The following ZNF479 variants were observed in gnomAD, a reference collection of about 807,000 sequenced individuals.
ZNF479 encodes KRAB zinc finger protein KR19.
Under a neutral mutation model 14.7 loss-of-function variants are expected in ZNF479, and 15 were observed. The observed-to-expected ratio is 1.02, with a 90% CI of 0.68 to 1.57. The LOEUF (loss-of-function observed/expected upper bound fraction) is 1.57, where lower values mean the gene tolerates loss of function less well. ZNF479 is among the 40% of genes most tolerant of loss of function. ZNF479 has a pLI of 0.00. For missense variants in ZNF479, 506 were observed against 615.1 expected (o/e 0.82, Z 1.88); for synonymous variants, 145 against 211.5 (o/e 0.69, Z 2.73).
At chr7:57,126,527 A>T in intron 2 of ZNF479, 65 bp downstream of exon 2, 1 of 1,510,668 alleles carries the variant, frequency 6.6e-7, no homozygotes, top group South Asian at 1.2e-5. Flanking sequence ...AGCAGAAATT[A>T]CCAAAAACAT....
intron 1 of ZNF479, among the ~76,000 whole-genome samples, chr7:57,137,996 C>A (rs915223564): frequency 3.3e-5 from 5 of 152,158 alleles, no homozygotes; most frequent in African/African-American, 1.2e-4. Flanking sequence ...CTACCTGGAA[C>A]GTGTTTACAG....
intron 3 of ZNF479, 45 bp from the exon 4 acceptor site, chr7:57,121,197 T>A (rs782500882): frequency 6.2e-6 from 10 of 1,612,864 alleles, no homozygotes; most frequent in East Asian, 2.2e-5. Flanking sequence ...TCTGGACTCA[T>A]ATAAATATAT....
chr7:57,132,399 G>A lies in ZNF479; in HGVS notation c.-75C>T. The A allele has an allele frequency of 6.2e-7, 1 of 1,608,420 alleles. No homozygotes were observed. Among genetic ancestry groups the A allele is most frequent in the South Asian group, 1.1e-5 (1 of 90,932 alleles). On this transcript the variant is annotated 5_prime_UTR_variant, in exon 1 of 4. Transcript: ENST00000319636. ...GGAGCAGAGGACACAGAGCAGTGAA[G>A]AGGAGAACTGCAGCTCTGGACGCAG... is the stretch of plus-strand genomic sequence containing the variant.
upstream of ZNF479, among the ~76,000 whole-genome samples, chr7:57,133,433 C>G (rs1371862648): frequency 6.6e-6 from 1 of 152,028 alleles, no homozygotes. Context: ...TCAGTCTGAG[C>G]TATTTGTTTG....
chr7:57,135,888 T>C (rs1226077463), upstream of ZNF479, among the ~76,000 whole-genome samples: 2 of 152,114 alleles, frequency 1.3e-5, no homozygotes, highest in Non-Finnish European at 2.9e-5. Flanking sequence ...ACCTAAACTT[T>C]TGATTCAGTG....
At chr7:57,134,811 A>C (rs1410386740), upstream of ZNF479, among the ~76,000 whole-genome samples, 1 of 151,650 alleles carries the variant, frequency 6.6e-6, no homozygotes, top group Admixed American at 6.6e-5. Flanking sequence ...AGTAGCTGGG[A>C]TTACAGGCAT....
Position 57,120,606 on chromosome 7 carries a change from G to C in ZNF479, c.809C>G (p.Thr270Arg), listed in dbSNP as rs782236188. Residue 270 changes from threonine (T) to arginine (R), a missense_variant, in exon 4 of 4, where the codon ACG (threonine) becomes AGG (arginine). Physicochemically the swap from Thr to Arg is moderately conservative, Grantham distance 71. Coordinates refer to ENST00000319636, the MANE Select transcript of ZNF479 (RefSeq NM_001370129.2). ...AAAGGCTTGGCCACATTCTTCACAC[G>C]TGTAGGGTTTCTCTCCAGTATGAGT... is the stretch of plus-strand genomic sequence containing the variant. ...KRTHTGEKPY[T>R]CEECGQAFRR... The C allele has an allele frequency of 2.5e-6, 4 of 1,613,684 alleles. No homozygotes were observed. The highest frequency in any genetic ancestry group is 1.3e-5 in the African/African-American group (1 of 74,856).
At chr7:57,127,938 T>A (rs1035532757) in intron 1 of ZNF479, among the ~76,000 whole-genome samples, 5 of 46,336 alleles carry the variant, frequency 1.1e-4, no homozygotes, top group African/African-American at 7.2e-4. Flanking sequence ...TATATATATA[T>A]TTTTTTTTTT....
At position 57,126,728 on chromosome 7, in the gene ZNF479, A is replaced by G. The variant is rs1236077726; in HGVS notation, c.40-10T>C. 18 of 1,613,908 alleles carry G rather than the reference A, an allele frequency of 1.1e-5. No homozygotes were observed. Among genetic ancestry groups the G allele is most frequent in the Middle Eastern group, 1.6e-4 (1 of 6,082 alleles). ...TGAATGTCAACAGTCCCTGGAAAAC[A>G]AACAAACAAAACCACTCATGAACAC... On this transcript the variant is annotated splice_polypyrimidine_tract_variant and intron_variant, in intron 1 of 3. Transcript: ENST00000319636.
chr7:57,139,049 C>A (rs566396787), intron 1 of ZNF479, among the ~76,000 whole-genome samples: 5 of 152,290 alleles, frequency 3.3e-5, no homozygotes, highest in Admixed American at 2.6e-4. Context: ...AATGCCTGGG[C>A]AAGCACAAAT....
rs752204182 is a variant in ZNF479 at position 57,132,305 on chromosome 7, G to T, written c.20C>A (p.Pro7His). The change falls in exon 1 of 4, where the codon CCC (proline) becomes CAC (histidine). Residue 7 changes from proline to histidine, a missense_variant. By Grantham distance (77) the Pro-to-His change is moderately conservative. Transcript: ENST00000319636. ...ACTCACCATTTCTCGGCTTCCAGGG[G>T]GTCCTGGTCTTTTAGCCATAAATCT... MAKRPG[P>H]PGSREMGLLT... 1.6e-5 allele frequency: 26 copies of T among 1,613,964 alleles called. No homozygotes were observed. Among genetic ancestry groups the T allele is most frequent in the Middle Eastern group, 3.3e-4 (2 of 6,064 alleles).
intron 1 of ZNF479, chr7:57,127,577 T>A: frequency 1.0e-6 from 1 of 982,376 alleles, no homozygotes; most frequent in South Asian, 4.7e-5. Flanking sequence ...AGAGTCTGGG[T>A]TTTTCCCAGT....
chr7:57,123,774 A>G (rs1786047952), intron 3 of ZNF479, among the ~76,000 whole-genome samples: 1 of 152,140 alleles, frequency 6.6e-6, no homozygotes, highest in Admixed American at 6.5e-5. Flanking sequence ...TTGAGGCTGC[A>G]GTGAGCCAAG....
In ZNF479 at chr7:57,126,039, C is replaced by G. The variant is rs372276940; in HGVS notation, c.241G>C (p.Glu81Gln). 4 of 1,604,368 alleles carry G rather than the reference C, an allele frequency of 2.5e-6. No homozygotes were observed. In the African/African-American group the frequency reaches 4.0e-5, roughly 16 times the overall value. ...NKESQNIKRN[E>Q]MVAKHPVTRS... ...CTACCTGGGTGTTTGGCTACCATCT[C>G]ATTTCTCTTTATATTCTGGGACTCT... The change falls in exon 3 of 4, where the codon GAG (glutamate) becomes CAG (glutamine). Residue 81 changes from glutamate (E) to glutamine (Q), a missense_variant. Transcript: ENST00000319636.
chr7:57,136,011 CTCTT>C (rs1786639978), upstream of ZNF479, among the ~76,000 whole-genome samples: 1 of 138,538 alleles, frequency 7.2e-6, no homozygotes, highest in South Asian at 2.4e-4. Flanking sequence ...CTCTCTCTCT[CTCTT>C]TCCTTTCCTA....
At chr7:57,139,311 C>A (rs1212036623) in intron 1 of ZNF479, among the ~76,000 whole-genome samples, 1 of 152,176 alleles carries the variant, frequency 6.6e-6, no homozygotes, top group Admixed American at 6.5e-5. Flanking sequence ...CATGGTGATT[C>A]CCACACCAAG....
At position 57,121,010 on chromosome 7, in the gene ZNF479, A is replaced by G. The variant is rs553882786; in HGVS notation, c.405T>C (p.Tyr135=). The G allele has an allele frequency of 6.2e-7, 1 of 1,613,964 alleles. No homozygotes were observed. The highest frequency in any genetic ancestry group is 1.3e-5 in the African/African-American group (1 of 74,916). Residue 135 remains tyrosine, a synonymous_variant, in exon 4 of 4, where the codon TAT becomes TAC. Coordinates refer to ENST00000319636, the MANE Select transcript of ZNF479 (RefSeq NM_001370129.2). ...FKKCCKSVGE[Y]EVHKGGYSEV... is the part of the protein sequence containing the mutation. Reference sequence around the variant, plus strand: ...CACTATAACCTCCCTTGTGCACCTCATATTCACCCACACTTTTACAGCATT... The same window carrying G: ...CACTATAACCTCCCTTGTGCACCTCGTATTCACCCACACTTTTACAGCATT...
At chr7:57,129,229 A>G (rs986690476) in intron 1 of ZNF479, among the ~76,000 whole-genome samples, 2 of 152,136 alleles carry the variant, frequency 1.3e-5, no homozygotes, top group Admixed American at 6.5e-5. Flanking sequence ...CAGCCTTCCT[A>G]TGATGCAAAG....
intron 1 of ZNF479, among the ~76,000 whole-genome samples, chr7:57,128,327 A>G: frequency 6.6e-6 from 1 of 152,226 alleles, no homozygotes; most frequent in Admixed American, 6.5e-5. Flanking sequence ...AGTAATTTTA[A>G]GTAGTCTTTC....
Sources: allele counts gnomAD v4.1 joint callset (sites outside exome capture counted in the v4.1 genomes callset), GRCh38; gene constraint gnomAD v4.1.1; transcripts MANE v1.5; gene names NCBI Gene and HGNC (gene_info 2026-07-23, HGNC 2026-07-21).